The following RBL2 variants were observed in gnomAD, a reference collection of about 807,000 sequenced individuals.
RBL2 encodes the protein retinoblastoma-like protein 2.
RBL2 carries 56 observed loss-of-function variants against 126.0 expected under a neutral mutation model. The ratio of observed to expected loss-of-function variants is 0.44; its 90% CI spans 0.36 to 0.56. RBL2 has a LOEUF of 0.56. RBL2 is among the 20% of genes least tolerant of loss of function. The probability of loss-of-function intolerance (pLI) is 0.00; values close to 1 mark genes in which losing one functional copy is unlikely to be tolerated. For missense variants in RBL2, 1,229 were observed against 1,398.2 expected, an observed-to-expected ratio of 0.88 and a Z score of 1.93; for synonymous variants, 454 against 478.5, an observed-to-expected ratio of 0.95 and a Z score of 0.67.
intron 17 of RBL2, among the ~76,000 whole-genome samples, chr16:53,476,708 T>A (rs923548465): frequency 6.6e-6 from 1 of 152,238 alleles, no homozygotes; most frequent in Admixed American, 6.5e-5. Flanking sequence ...TCCTGATGGC[T>A]TGATCCTTTT....
chr16:53,481,214 A>C, intron 20 of RBL2: 1 of 174,736 alleles, frequency 5.7e-6, no homozygotes, highest in Admixed American at 5.8e-5. Context: ...GAGGTCTGTA[A>C]TTTACCTAAC....
intron 21 of RBL2, among the ~76,000 whole-genome samples, chr16:53,486,305 C>T (rs1328066880): frequency 6.6e-6 from 1 of 151,946 alleles, no homozygotes; most frequent in African/African-American, 2.4e-5. Flanking sequence ...TGTTTCAAAA[C>T]TTTAATGCCA....
chr16:53,465,394 ATATT>A, intron 12 of RBL2, 40 bp from the exon 13 acceptor site: 2 of 1,262,036 alleles, frequency 1.6e-6, no homozygotes, highest in Non-Finnish European at 2.1e-6. Flanking sequence ...ATATTTAAAA[ATATT>A]TAATAATTAT....
chr16:53,477,678 T>A (rs1188199165), intron 17 of RBL2, among the ~76,000 whole-genome samples: 1 of 152,180 alleles, frequency 6.6e-6, no homozygotes, highest in Non-Finnish European at 1.5e-5. Flanking sequence ...CCTGTGTATG[T>A]GAGTTGCCAT....
At chr16:53,445,523 A>G (rs533971934) in intron 3 of RBL2, among the ~76,000 whole-genome samples, 3 of 152,168 alleles carry the variant, frequency 2.0e-5, no homozygotes, top group Non-Finnish European at 4.4e-5. Flanking sequence ...TGTGATACTC[A>G]TACTATTGTT....
At chr16:53,445,665 C>T (rs2058055767) in intron 3 of RBL2, 1 of 152,214 alleles carries the variant, frequency 6.6e-6, no homozygotes, top group African/African-American at 2.4e-5. Context: ...ATCTCTCACA[C>T]ACTATCTGAA....
intron 9 of RBL2, 23 bp downstream of exon 9, chr16:53,459,640 T>C: frequency 6.6e-7 from 1 of 1,513,110 alleles, no homozygotes; most frequent in Non-Finnish European, 8.8e-7. Flanking sequence ...CCTGTCTGCT[T>C]TCTAAGATTT....
In RBL2 at chr16:53,465,545, G is replaced by A. The variant is rs2058264371; in HGVS notation, c.1806G>A (p.Glu602=). The change falls in exon 13 of 22, where the codon GAG becomes GAA. Residue 602 remains glutamate (E), a synonymous_variant. Transcript: ENST00000262133. ...QILDHLAWKP[E]SPLWEKIRDN... ...TAGATCATTTGGCATGGAAACCAGA[G>A]TCTCCACTCTGGGAAAAAATTAGAG... 3 of 1,605,424 alleles carry A rather than the reference G, an allele frequency of 1.9e-6. No homozygotes were observed. The East Asian group carries it at 6.8e-5, about 36-fold the overall frequency.
chr16:53,461,541 GTT>G (rs56314500), intron 9 of RBL2, among the ~76,000 whole-genome samples, 198 bp from the exon 10 acceptor site: 5 of 145,450 alleles, frequency 3.4e-5, no homozygotes, highest in African/African-American at 5.0e-5. Context: ...CACAAGAAAA[GTT>G]TTTTTTTTTT....
rs140638623 is a variant in RBL2, at chr16:53,459,615, C to T, written c.1344C>T (p.Leu448=). Residue 448 remains leucine (L), a splice_region_variant and synonymous_variant, in exon 9 of 22, where the codon CTC becomes CTT. Coordinates refer to ENST00000262133, the MANE Select transcript of RBL2 (RefSeq NM_005611.4). ...NAPSEKLEQI[L]RTCSRDPTQA... ...CAAGTGAGAAACTGGAACAGATTCT[C>T]AGGTTAGTTTGAGCCCTGTCTGCTT... 2.6e-6 allele frequency: 4 copies of T among 1,546,736 alleles called. No individual in the cohort carries two copies. The African/African-American group carries it at 5.6e-5, about 22-fold the overall frequency.
At chr16:53,487,111 A>AAAAT (rs2150832651) in intron 21 of RBL2, among the ~76,000 whole-genome samples, 1 of 152,384 alleles carries the variant, frequency 6.6e-6, no homozygotes, top group African/African-American at 2.4e-5. Flanking sequence ...CAATTCATGG[A>AAAAT]AAATAAAACA....
Position 53,454,775 on chromosome 16 carries a change from C to T in RBL2, c.1112C>T (p.Ala371Val). 1 of 1,614,004 alleles carries T rather than the reference C, an allele frequency of 6.2e-7. No individual in the cohort carries two copies. Among genetic ancestry groups the T allele is most frequent in the African/African-American group, 1.3e-5 (1 of 75,020 alleles). ...GGGACTCTCTCAAGGTGTCTGAACG[C>T]TGGTTCAGGAACAGAGACTGCTGAA... ...EIGTLSRCLN[A>V]GSGTETAERV... Residue 371 changes from alanine (A) to valine (V), a missense_variant, in exon 8 of 22, where the codon GCT (alanine) becomes GTT (valine). Physicochemically the swap from Ala to Val is moderately conservative, Grantham distance 64 (BLOSUM62 0). Coordinates refer to ENST00000262133, the MANE Select transcript of RBL2 (RefSeq NM_005611.4).
chr16:53,450,919 G>C (rs2058108843), intron 4 of RBL2, among the ~76,000 whole-genome samples: 1 of 151,878 alleles, frequency 6.6e-6, no homozygotes, highest in African/African-American at 2.4e-5. Flanking sequence ...CTCCAGCCTG[G>C]GCGACAGTGA....
intron 21 of RBL2, among the ~76,000 whole-genome samples, chr16:53,485,812 C>T (rs1428852106): frequency 6.6e-6 from 1 of 151,694 alleles, no homozygotes; most frequent in Non-Finnish European, 1.5e-5. Flanking sequence ...GCCATGCTCA[C>T]ATTACTACAC....
chr16:53,488,431 A>T (rs1598139255), intron 21 of RBL2: 1 of 152,308 alleles, frequency 6.6e-6, no homozygotes, highest in African/African-American at 2.4e-5. Context: ...GTTTTATCCG[A>T]CTGTAGGTAT....
chr16:53,487,290 T>C (rs1289679693), intron 21 of RBL2, among the ~76,000 whole-genome samples: 1 of 152,204 alleles, frequency 6.6e-6, no homozygotes, highest in Non-Finnish European at 1.5e-5. Context: ...GTACACAAAA[T>C]ATCTGTATTA....
chr16:53,479,293 C>CT, intron 18 of RBL2, 68 bp downstream of exon 18: 7 of 1,406,982 alleles, frequency 5.0e-6, no homozygotes. Flanking sequence ...AAAAATTAAC[C>CT]ATAGTTGACT....
rs975110150 is a variant in RBL2, at chr16:53,491,513, G to A, written c.*1213G>A. ...CAAAGTTACTAGGTAACTTCATATT[G>A]CTGAGAGAAATATGGAACTTACATT... On this transcript the variant is annotated 3_prime_UTR_variant, in exon 22 of 22. Transcript: ENST00000262133. 1 of 152,506 alleles carries A rather than the reference G, an allele frequency of 6.6e-6. No individual in the cohort carries two copies. Among genetic ancestry groups the A allele is most frequent in the African/African-American group, 2.4e-5 (1 of 41,396 alleles). The allele number at this position is 152,506 out of a possible 1,614,324, so 9.4% of individuals were successfully genotyped here. A position where few individuals can be genotyped will look rare whatever the true frequency, so the allele number is the denominator to read the frequency against.
chr16:53,490,408 GT>G lies in RBL2; in HGVS notation c.*110del. 1 of 976,306 alleles carries G rather than the reference GT, an allele frequency of 1.0e-6. No homozygotes were observed. The highest frequency in any genetic ancestry group is 1.4e-6 in the Non-Finnish European group (1 of 690,954). 60.5% of individuals were successfully genotyped at this position (976,306 alleles called of 1,614,324 possible). On this transcript the variant is annotated 3_prime_UTR_variant, in exon 22 of 22. Coordinates refer to ENST00000262133, the MANE Select transcript of RBL2 (RefSeq NM_005611.4). ...TAATCCAGCTGATGAGTTACAGCCTGTTAGTAACATGAGGGGACATTTTGGT... is the reference window on the plus strand; with the variant it reads ...TAATCCAGCTGATGAGTTACAGCCTGTAGTAACATGAGGGGACATTTTGGT...
Sources: allele counts gnomAD v4.1 joint callset (sites outside exome capture counted in the v4.1 genomes callset), GRCh38; gene constraint gnomAD v4.1.1; transcripts MANE v1.5; gene names NCBI Gene and HGNC (gene_info 2026-07-23, HGNC 2026-07-21).